The following FAM178B variants were observed in gnomAD, a reference collection of about 807,000 sequenced individuals.
The protein encoded by FAM178B is family with sequence similarity 178 member B, also known as protein FAM178B.
A neutral mutation model predicts 91.7 loss-of-function variants in FAM178B; 82 were observed. The observed-to-expected ratio is 0.89, with a 90% CI of 0.75 to 1.07. The LOEUF (loss-of-function observed/expected upper bound fraction) is 1.07. Among genes scored for constraint, FAM178B ranks in the 50% least tolerant of loss-of-function variants. FAM178B has a pLI of 0.00. For synonymous variants in FAM178B, 368 were observed against 359.4 expected (o/e 1.02, Z -0.27); for missense variants, 769 against 846.7 (o/e 0.91, Z 1.14).
intron 14 of FAM178B, among the ~76,000 whole-genome samples, chr2:96,889,142 A>T (rs1243974378): frequency 6.6e-6 from 1 of 152,158 alleles, no homozygotes; most frequent in Non-Finnish European, 1.5e-5. Flanking sequence ...GGAGGAGGAC[A>T]TGCCCAGAGG....
At chr2:96,962,092 G>A (rs1273494776) in intron 5 of FAM178B, among the ~76,000 whole-genome samples, 1 of 152,052 alleles carries the variant, frequency 6.6e-6, no homozygotes, top group Non-Finnish European at 1.5e-5. Context: ...ACCTGAGGTC[G>A]GGAGTTCAAG....
chr2:96,915,465 G>A (rs1193717547), intron 12 of FAM178B, among the ~76,000 whole-genome samples: 2 of 152,022 alleles, frequency 1.3e-5, no homozygotes, highest in African/African-American at 4.8e-5. Context: ...TGGCTAATTG[G>A]TGAGAACTGG....
chr2:96,906,758 G>A (rs2081064246), intron 12 of FAM178B, among the ~76,000 whole-genome samples: 1 of 152,218 alleles, frequency 6.6e-6, no homozygotes, highest in African/African-American at 2.4e-5. Context: ...TCGCCTCCCT[G>A]TCAGACAGGG....
chr2:96,884,046 GGCC>G (rs1455158166), intron 14 of FAM178B, among the ~76,000 whole-genome samples: 1 of 152,136 alleles, frequency 6.6e-6, no homozygotes, highest in East Asian at 1.9e-4. Flanking sequence ...GTCTACCCTG[GGCC>G]CTTTCAGACC....
intron 6 of FAM178B, among the ~76,000 whole-genome samples, chr2:96,953,038 T>C (rs2081951677): frequency 6.6e-6 from 1 of 152,228 alleles, no homozygotes; most frequent in Admixed American, 6.5e-5. Context: ...CTGCTGTCTC[T>C]CTGAGAATGT....
In FAM178B at chr2:96,883,137, AGCAGACT is replaced by A. The variant is rs2080430218; in HGVS notation, c.1777-4651_1777-4645del. 3.3e-5 allele frequency among the ~76,000 whole-genome samples: 5 copies of A among 152,336 alleles called. No individual in the cohort carries two copies. In the South Asian group the frequency reaches 1.0e-3, roughly 32 times the overall value. On this transcript the variant is annotated intron_variant, in intron 14 of 16. Coordinates refer to ENST00000490605, the MANE Select transcript of FAM178B (RefSeq NM_001122646.3). ...ATGACAAGGCTGAGTGACAGCAGAC[AGCAGACT>A]GGGACTGTCACCAGAGGAAGGGAGG...
At chr2:96,880,784 C>T (rs572296883) in intron 14 of FAM178B, among the ~76,000 whole-genome samples, 9 of 152,164 alleles carry the variant, frequency 5.9e-5, no homozygotes, top group East Asian at 1.9e-4. Context: ...TCAGTGGAGA[C>T]GGGGTTTCAC....
In FAM178B at chr2:96,912,643, C is replaced by A. The variant is rs558745520; in HGVS notation, c.1562+8522G>T. Reference sequence around the variant, plus strand: ...CCCTTTAGGTCCTTCAGACATCCCACCTGAGAGGGAGCCGCGTCCTCTCCA... The same window carrying A: ...CCCTTTAGGTCCTTCAGACATCCCAACTGAGAGGGAGCCGCGTCCTCTCCA... On this transcript the variant is annotated intron_variant, in intron 12 of 16. Transcript: ENST00000490605. 4.6e-5 allele frequency among the ~76,000 whole-genome samples: 7 copies of A among 152,316 alleles called. No homozygotes were observed. In the South Asian group the frequency reaches 1.4e-3, roughly 32 times the overall value.
intron 12 of FAM178B, among the ~76,000 whole-genome samples, chr2:96,920,644 A>G (rs2081321126): frequency 6.6e-6 from 1 of 152,172 alleles, no homozygotes; most frequent in Non-Finnish European, 1.5e-5. Flanking sequence ...ACAGCACGCT[A>G]GGCACTGTTC....
rs923189581 is a variant in FAM178B at position 96,876,031 on chromosome 2, G to C, written c.*245C>G. ...GGAAGAGGAGATGGCTGGGAGGAGG[G>C]CTGAGGGGTGGGCGAGGCAGAGAGG... On this transcript the variant is annotated 3_prime_UTR_variant, in exon 17 of 17. Coordinates refer to ENST00000490605, the MANE Select transcript of FAM178B (RefSeq NM_001122646.3). 1.8e-6 allele frequency: 1 copy of C among 561,632 alleles called. No homozygotes were observed. Among genetic ancestry groups the C allele is most frequent in the Non-Finnish European group, 3.2e-6 (1 of 312,796 alleles). The allele number at this position is 561,632 out of a possible 1,614,324, so 34.8% of individuals were successfully genotyped here.
chr2:96,911,617 CG>C (rs796363260), intron 12 of FAM178B, among the ~76,000 whole-genome samples: 1 of 152,302 alleles, frequency 6.6e-6, no homozygotes, highest in South Asian at 2.1e-4. Context: ...GGTCACACTC[CG>C]GGACAGCACA....
intron 8 of FAM178B, among the ~76,000 whole-genome samples, chr2:96,929,867 C>A (rs760417538): frequency 6.6e-6 from 1 of 152,220 alleles, no homozygotes; most frequent in Non-Finnish European, 1.5e-5. Flanking sequence ...AGCAAGTGTG[C>A]GCTATGGGGA....
chr2:96,947,365 G>T (rs529393018), intron 8 of FAM178B, among the ~76,000 whole-genome samples: 78 of 152,256 alleles, frequency 5.1e-4, no homozygotes, highest in Non-Finnish European at 9.9e-4. Context: ...AGCCAAAGAA[G>T]GCTGTCAGTG....
intron 5 of FAM178B, among the ~76,000 whole-genome samples, chr2:96,967,185 C>A (rs2082153436): frequency 6.6e-6 from 1 of 152,036 alleles, no homozygotes; most frequent in Non-Finnish European, 1.5e-5. Context: ...CGTAACCTCC[C>A]CTTGAAAGCA....
Position 96,971,898 on chromosome 2 carries a change from C to T in FAM178B, c.564+3G>A. The T allele has an allele frequency of 9.4e-6, 14 of 1,482,536 alleles. No individual in the cohort carries two copies. The highest frequency in any genetic ancestry group is 1.4e-5 in the South Asian group (1 of 71,468). 91.8% of individuals were successfully genotyped at this position (1,482,536 alleles called of 1,614,324 possible). A position where few individuals can be genotyped will look rare whatever the true frequency, so the allele number is the denominator to read the frequency against. On this transcript the variant is annotated splice_donor_region_variant and intron_variant, in intron 3 of 16. Transcript: ENST00000490605. The stretch of plus-strand genomic sequence containing the variant: ...AAGAGGCCAAGGGTGGACACAGGCT[C>T]ACCTCTGGGGCCGCAGCCTGCTGGC...
chr2:96,975,018 G>A (rs886621840), intron 1 of FAM178B, among the ~76,000 whole-genome samples: 1 of 148,122 alleles, frequency 6.8e-6, no homozygotes, highest in Non-Finnish European at 1.5e-5. Context: ...TTGAACCCGG[G>A]AGGCGGAGGT....
chr2:96,938,589 C>T (rs575041060), intron 8 of FAM178B, among the ~76,000 whole-genome samples: 7 of 152,222 alleles, frequency 4.6e-5, no homozygotes, highest in South Asian at 2.1e-4. Flanking sequence ...CACCGGGAGA[C>T]GCAGTGTTTC....
rs548508789 is a variant in FAM178B at position 96,902,640 on chromosome 2, G to C, written c.1630C>G (p.Leu544Val). 13 of 1,550,888 alleles carry C rather than the reference G, an allele frequency of 8.4e-6. No homozygotes were observed. In the South Asian group the frequency reaches 1.3e-4, roughly 16 times the overall value. The change falls in exon 13 of 17, where the codon CTC becomes GTC. Residue 544 changes from leucine (L) to valine (V), a missense_variant. Physicochemically the swap from Leu to Val is conservative, Grantham distance 32. Coordinates refer to ENST00000490605, the MANE Select transcript of FAM178B (RefSeq NM_001122646.3). ...RMLGQQEMLPLWQEKTQLSSL... is the reference protein window; with the variant it reads ...RMLGQQEMLPVWQEKTQLSSL... Reference sequence around the variant, plus strand: ...CTCACCTGGGTCTTCTCTTGCCAGAGAGGGAGCATCTCCTGCTGGCCCAGC... The same window carrying C: ...CTCACCTGGGTCTTCTCTTGCCAGACAGGGAGCATCTCCTGCTGGCCCAGC...
At chr2:96,980,708 C>A (rs6576999) in intron 1 of FAM178B, among the ~76,000 whole-genome samples, 119,085 of 152,094 alleles carry the variant, frequency 0.78, 48,118 homozygotes, top group Non-Finnish European at 0.87. Flanking sequence ...AGCCTCCTTG[C>A]ATTTTTTAAT....
Sources: gnomAD v4.1 joint callset for allele counts (sites outside exome capture counted in the v4.1 genomes callset) on GRCh38, gnomAD v4.1.1 for gene constraint, MANE v1.5 for transcripts, NCBI Gene and HGNC (gene_info 2026-07-23, HGNC 2026-07-21) for gene names.